Variants in ARMC2 observed in about 807,000 individuals in gnomAD.
The protein encoded by ARMC2 is armadillo repeat-containing protein 2.
ARMC2 carries 67 observed loss-of-function variants against 90.3 expected under a neutral mutation model. The ratio of observed to expected loss-of-function variants is 0.74; its 90% CI spans 0.61 to 0.91. ARMC2 has a LOEUF of 0.91. Ranked by LOEUF, ARMC2 falls within the 40% of genes least tolerant of loss-of-function variation. The pLI is 0.00. For missense variants in ARMC2, 920 were observed against 1,030.9 expected, an observed-to-expected ratio of 0.89 and a Z score of 1.47; for synonymous variants, 393 against 393.0, an observed-to-expected ratio of 1.00 and a Z score of 0.00.
At chr6:108,965,251 A>G (rs1306283390) in intron 17 of ARMC2, 111 bp downstream of exon 17, 30 of 957,316 alleles carry the variant, frequency 3.1e-5, no homozygotes, top group East Asian at 4.9e-5. Context: ...CTATATTTCT[A>G]TAAGCAACAA....
the ARMC2 span, chr6:109,009,514 G>A: frequency 8.3e-7 from 1 of 1,198,242 alleles, no homozygotes. Flanking sequence ...TGGGCAGCCG[G>A]CCGCGGCTCC....
the ARMC2 span, among the ~76,000 whole-genome samples, chr6:109,004,002 G>C: frequency 2.0e-4 from 30 of 152,068 alleles, no homozygotes; most frequent in African/African-American, 6.5e-4. Flanking sequence ...TAAGAGACTT[G>C]GGACTTTAGT....
chr6:108,925,652 G>T (rs896602016), intron 10 of ARMC2, among the ~76,000 whole-genome samples: 5 of 152,176 alleles, frequency 3.3e-5, no homozygotes, highest in Non-Finnish European at 5.9e-5. Context: ...AATATGGCTT[G>T]GAGTAACAGA....
At chr6:109,049,587 C>T in the ARMC2 span, among the ~76,000 whole-genome samples, 1 of 151,846 alleles carries the variant, frequency 6.6e-6, no homozygotes, top group East Asian at 1.9e-4. Flanking sequence ...GCTAATTATC[C>T]TGATCTGATC....
chr6:109,022,804 G>A, the ARMC2 span, among the ~76,000 whole-genome samples: 4 of 152,088 alleles, frequency 2.6e-5, no homozygotes, highest in Admixed American at 6.5e-5. Flanking sequence ...GAAACTCAGA[G>A]AGGTTAAGTA....
intron 12 of ARMC2, among the ~76,000 whole-genome samples, chr6:108,943,216 A>G (rs1776580696): frequency 6.6e-6 from 1 of 152,170 alleles, no homozygotes. Context: ...TCTCTTGTCA[A>G]GGTAAAGTCT....
At chr6:108,966,484 G>GT (rs1036836067) in intron 17 of ARMC2, among the ~76,000 whole-genome samples, 4 of 152,162 alleles carry the variant, frequency 2.6e-5, no homozygotes, top group African/African-American at 9.7e-5. Flanking sequence ...TTTAAGTGTT[G>GT]TAACACCGTG....
chr6:109,021,065 C>T, the ARMC2 span, among the ~76,000 whole-genome samples: 1 of 152,146 alleles, frequency 6.6e-6, no homozygotes, highest in African/African-American at 2.4e-5. Context: ...GTGATCATGG[C>T]TCACAGCAGC....
At chr6:108,977,983 T>A (rs1296125913), downstream of ARMC2, among the ~76,000 whole-genome samples, 1 of 152,220 alleles carries the variant, frequency 6.6e-6, no homozygotes, top group Non-Finnish European at 1.5e-5. Flanking sequence ...AAGGTTTTTT[T>A]ATGTCTCTAT....
chr6:108,891,810 A>C (rs1244394313), intron 5 of ARMC2, among the ~76,000 whole-genome samples: 1 of 152,166 alleles, frequency 6.6e-6, no homozygotes, highest in Non-Finnish European at 1.5e-5. Context: ...TTTAGTCATG[A>C]AGTCTTTGCC....
At chr6:108,862,163 G>A (rs531329800) in intron 3 of ARMC2, among the ~76,000 whole-genome samples, 3 of 151,990 alleles carry the variant, frequency 2.0e-5, no homozygotes, top group East Asian at 1.9e-4. Context: ...GGCCAACATG[G>A]TGAAACCCCG....
At chr6:108,941,559 A>G (rs1437172627) in intron 12 of ARMC2, among the ~76,000 whole-genome samples, 1 of 152,244 alleles carries the variant, frequency 6.6e-6, no homozygotes, top group African/African-American at 2.4e-5. Flanking sequence ...CTATTTGGTT[A>G]GATACCAGAC....
At chr6:108,961,539 G>C (rs777236398) in intron 13 of ARMC2, 33 bp from the exon 14 acceptor site, 1 of 1,566,380 alleles carries the variant, frequency 6.4e-7, no homozygotes, top group Admixed American at 1.9e-5. Context: ...CCTGCAGTGG[G>C]TCTTTGACTC....
At chr6:108,949,042 G>C (rs1392253417) in intron 12 of ARMC2, among the ~76,000 whole-genome samples, 1 of 152,118 alleles carries the variant, frequency 6.6e-6, no homozygotes, top group Non-Finnish European at 1.5e-5. Flanking sequence ...AAACAATCCA[G>C]CACCCTTAGA....
chr6:108,953,232 A>G lies in ARMC2; in HGVS notation c.1796A>G (p.Glu599Gly). 6.2e-7 allele frequency: 1 copy of G among 1,613,904 alleles called. No individual in the cohort carries two copies. Among genetic ancestry groups the G allele is most frequent in the Non-Finnish European group, 8.5e-7 (1 of 1,179,902 alleles). Residue 599 changes from glutamate (E) to glycine (G), a missense_variant, in exon 13 of 18, where the codon GAG (glutamate) becomes GGG (glycine). Glu to Gly is a moderately conservative substitution (Grantham distance 98). Coordinates refer to ENST00000392644, the MANE Select transcript of ARMC2 (RefSeq NM_032131.6). ...CACAGGGCGCAGAGGCCGCCGTCAG[A>G]GGCAGAGGACGTGCTCATCAAGCTG... ...EQHRAQRPPS[E>G]AEDVLIKLTR...
chr6:108,893,366 A>G (rs1417990458), intron 5 of ARMC2, among the ~76,000 whole-genome samples: 2 of 152,220 alleles, frequency 1.3e-5, no homozygotes, highest in Admixed American at 1.3e-4. Context: ...AAGAGAAGCA[A>G]ATTTGTAAAT....
intron 1 of ARMC2, among the ~76,000 whole-genome samples, chr6:108,851,043 A>G (rs976136651): frequency 1.3e-5 from 2 of 152,170 alleles, no homozygotes; most frequent in Non-Finnish European, 2.9e-5. Context: ...CTTCCTGCCC[A>G]TCTCTGCCAG....
chr6:109,037,796 A>AG, the ARMC2 span, among the ~76,000 whole-genome samples: 3 of 152,174 alleles, frequency 2.0e-5, no homozygotes, highest in Non-Finnish European at 4.4e-5. Flanking sequence ...TATAAAAAAA[A>AG]AAGGCATAGA....
chr6:109,007,321 T>A, the ARMC2 span, among the ~76,000 whole-genome samples: 1 of 152,198 alleles, frequency 6.6e-6, no homozygotes, highest in Non-Finnish European at 1.5e-5. Flanking sequence ...CATTTATGCA[T>A]CTGTATCAAT....
Sources: allele counts gnomAD v4.1 joint callset (sites outside exome capture counted in the v4.1 genomes callset), GRCh38; gene constraint gnomAD v4.1.1; transcripts MANE v1.5; gene names NCBI Gene and HGNC (gene_info 2026-07-23, HGNC 2026-07-21).